The following FGF12 variants were observed in gnomAD, a reference collection of about 807,000 sequenced individuals.
FGF12 encodes fibroblast growth factor 12, also known as fibroblast growth factor 12B.
FGF12 carries 14 observed loss-of-function variants against 23.6 expected under a neutral mutation model. The ratio of observed to expected loss-of-function variants is 0.59; its 90% confidence interval spans 0.39 to 0.93. The LOEUF is 0.93. Among genes scored for constraint, FGF12 ranks in the 40% least tolerant of loss-of-function variants. The pLI, the probability that FGF12 is intolerant of heterozygous loss-of-function variation, is 0.00. For missense variants in FGF12, 175 were observed against 217.8 expected (o/e 0.80, Z 1.24); for synonymous variants, 62 against 77.3 (o/e 0.80, Z 1.04).
chr3:192,170,936 T>C (rs998359626), intron 4 of FGF12, among the ~76,000 whole-genome samples: 1 of 152,170 alleles, frequency 6.6e-6, no homozygotes, highest in East Asian at 1.9e-4. Context: ...TGCGCTCCGA[T>C]CCTAGCAATA....
chr3:192,308,877 T>G (rs1479841899), intron 4 of FGF12, among the ~76,000 whole-genome samples: 8 of 152,128 alleles, frequency 5.3e-5, no homozygotes, highest in Non-Finnish European at 1.5e-5. Context: ...ATAAAAGAAA[T>G]TGTCTTAGAG....
rs185834731 is a variant in FGF12, at chr3:192,274,636, G to A, written c.228+60725C>T. On this transcript the variant is annotated intron_variant, in intron 4 of 5. Coordinates refer to ENST00000445105, the MANE Select transcript of FGF12 (RefSeq NM_004113.6). The stretch of plus-strand genomic sequence containing the variant: ...ATAGAAGAAATGGTTTCTACTTACA[G>A]CTACTATCTAATCCCCTGGCTTTTC... Among the ~76,000 whole-genome samples the A allele has an allele frequency of 2.1e-3, 324 of 152,244 alleles. 1 individual carries two copies. Among genetic ancestry groups the A allele is most frequent in the Middle Eastern group, 0.02 (6 of 294 alleles).
chr3:192,448,373 T>C (rs978923512), intron 2 of FGF12, among the ~76,000 whole-genome samples: 7 of 152,218 alleles, frequency 4.6e-5, no homozygotes, highest in African/African-American at 1.7e-4. Flanking sequence ...CAACTCTAAA[T>C]CAATTTCTGC....
chr3:192,181,269 A>C (rs1716155125), intron 4 of FGF12, among the ~76,000 whole-genome samples: 1 of 151,992 alleles, frequency 6.6e-6, no homozygotes, highest in African/African-American at 2.4e-5. Context: ...CCACAGGTTC[A>C]AGTTAATGAC....
rs187293282 is a variant in FGF12, at chr3:192,218,312, A to G, written c.229-47656T>C. Among the ~76,000 whole-genome samples, 4 of 152,288 alleles carry G rather than the reference A, an allele frequency of 2.6e-5. No homozygotes were observed. The East Asian group carries it at 7.7e-4, about 29-fold the overall frequency. On this transcript the variant is annotated intron_variant, in intron 4 of 5. Coordinates refer to ENST00000445105, the MANE Select transcript of FGF12 (RefSeq NM_004113.6). Reference sequence around the variant, plus strand: ...TTTGGGGCCAGTTGATCTGGATTATATGTGATATGGCTTAGATCTGTGTCC... The same window carrying G: ...TTTGGGGCCAGTTGATCTGGATTATGTGTGATATGGCTTAGATCTGTGTCC...
At chr3:192,210,541 T>G (rs1031175482) in intron 4 of FGF12, among the ~76,000 whole-genome samples, 15 of 152,044 alleles carry the variant, frequency 9.9e-5, no homozygotes, top group Non-Finnish European at 1.9e-4. Context: ...CAACATAGAG[T>G]ACACAGAAAA....
intron 2 of FGF12, among the ~76,000 whole-genome samples, chr3:192,404,330 C>A (rs995898638): frequency 6.6e-6 from 1 of 152,140 alleles, no homozygotes; most frequent in African/African-American, 2.4e-5. Context: ...CTCCAAGGTT[C>A]GTGGCCACTC....
chr3:192,696,099 A>G (rs1560197437), intron 2 of FGF12, among the ~76,000 whole-genome samples: 1 of 151,716 alleles, frequency 6.6e-6, no homozygotes, highest in African/African-American at 2.4e-5. Context: ...ATTCTGTTTA[A>G]TGGTGGGCTA....
intron 2 of FGF12, among the ~76,000 whole-genome samples, chr3:192,453,528 A>G (rs562388110): frequency 5.9e-5 from 9 of 152,174 alleles, no homozygotes; most frequent in Admixed American, 3.9e-4. Flanking sequence ...TTACATTCTG[A>G]GGATCTATTT....
intron 2 of FGF12, among the ~76,000 whole-genome samples, chr3:192,616,413 T>C (rs1714756392): frequency 6.6e-6 from 1 of 152,022 alleles, no homozygotes. Context: ...TATAAAAGCC[T>C]CAGCCATCAC....
At chr3:192,703,836 C>T (rs1718380526) in intron 2 of FGF12, among the ~76,000 whole-genome samples, 1 of 152,130 alleles carries the variant, frequency 6.6e-6, no homozygotes, top group Non-Finnish European at 1.5e-5. Context: ...TTGACAGTTC[C>T]TCCTACAGGA....
rs554120692 is a variant in FGF12, at chr3:192,356,889, T to G, written c.124+3539A>C. On this transcript the variant is annotated intron_variant, in intron 3 of 5. Transcript: ENST00000445105. ...TAGAATTTAAATCCTTCTTCGATATTTTGACTTCTAATCCCCACTCTGACA... is the reference window on the plus strand; with the variant it reads ...TAGAATTTAAATCCTTCTTCGATATGTTGACTTCTAATCCCCACTCTGACA... Among the ~76,000 whole-genome samples, 91 of 152,352 alleles carry G rather than the reference T, an allele frequency of 6.0e-4. 1 individual carries two copies. The highest frequency in any genetic ancestry group is 1.7e-3 in the South Asian group (8 of 4,832).
At chr3:192,436,081 C>G (rs780286368) in intron 2 of FGF12, among the ~76,000 whole-genome samples, 1 of 152,150 alleles carries the variant, frequency 6.6e-6, no homozygotes, top group Admixed American at 6.5e-5. Context: ...CGCCAGGCCT[C>G]GTGCTAGGGG....
At chr3:192,407,918 T>C (rs1169641605) in intron 2 of FGF12, 1 of 1,210,938 alleles carries the variant, frequency 8.3e-7, no homozygotes, top group Non-Finnish European at 1.1e-6. Context: ...GGGGTCAGAA[T>C]GTAAAAGAGG....
intron 2 of FGF12, among the ~76,000 whole-genome samples, chr3:192,685,925 T>C (rs1717715636): frequency 6.6e-6 from 1 of 152,104 alleles, no homozygotes; most frequent in African/African-American, 2.4e-5. Context: ...GAATATACTG[T>C]AAGTGGCAGA....
intron 2 of FGF12, among the ~76,000 whole-genome samples, chr3:192,374,796 C>T (rs1301811602): frequency 6.6e-6 from 1 of 152,224 alleles, no homozygotes. Flanking sequence ...TGAGCGCAGG[C>T]AGCCTGGCTC....
intron 3 of FGF12, among the ~76,000 whole-genome samples, chr3:192,339,257 A>G (rs1354102163): frequency 6.6e-6 from 1 of 152,156 alleles, no homozygotes; most frequent in Non-Finnish European, 1.5e-5. Context: ...TTATCTATTA[A>G]TTATCTTCAG....
At chr3:192,361,668 C>T (rs1359245255) in intron 2 of FGF12, among the ~76,000 whole-genome samples, 1 of 152,146 alleles carries the variant, frequency 6.6e-6, no homozygotes, top group East Asian at 1.9e-4. Flanking sequence ...GTGTGTTACA[C>T]TGAATGCATT....
chr3:192,370,417 C>G (rs1719176260), intron 2 of FGF12, among the ~76,000 whole-genome samples: 1 of 152,234 alleles, frequency 6.6e-6, no homozygotes, highest in East Asian at 1.9e-4. Context: ...GTGGTGCACA[C>G]CCGCAGTCCT....
Sources: gnomAD v4.1 joint callset for allele counts (sites outside exome capture counted in the v4.1 genomes callset) on GRCh38, gnomAD v4.1.1 for gene constraint, MANE v1.5 for transcripts, NCBI Gene and HGNC (gene_info 2026-07-23, HGNC 2026-07-21) for gene names.